Variants in RNF11 observed in about 807,000 individuals in gnomAD.
The protein encoded by RNF11 is ring finger protein 11.
Under a neutral mutation model 15.8 loss-of-function variants are expected in RNF11, and 4 were observed. That is an observed-to-expected ratio of 0.25 (90% CI 0.12 to 0.58). RNF11 has a LOEUF of 0.58. Ranked by LOEUF, RNF11 falls within the 20% of genes least tolerant of loss-of-function variation. The probability of loss-of-function intolerance (pLI) is 0.91; values close to 1 mark genes in which losing one functional copy is unlikely to be tolerated. For missense variants in RNF11, 139 were observed against 194.4 expected (o/e 0.71, Z 1.70); for synonymous variants, 68 against 72.3 (o/e 0.94, Z 0.30).
chr1:51,254,393 T>C (rs1274256621), intron 1 of RNF11, among the ~76,000 whole-genome samples: 1 of 152,182 alleles, frequency 6.6e-6, no homozygotes, highest in African/African-American at 2.4e-5. Context: ...GTTCAAGCAG[T>C]TGTGCCTCAG....
At chr1:51,250,467 T>TA (rs1423513190) in intron 1 of RNF11, 1 of 446,804 alleles carries the variant, frequency 2.2e-6, no homozygotes, top group Non-Finnish European at 4.0e-6. Context: ...TTGAACAACA[T>TA]AGAGTTGAAT....
chr1:51,262,335 C>T (rs1265782179), intron 1 of RNF11, among the ~76,000 whole-genome samples: 2 of 152,196 alleles, frequency 1.3e-5, no homozygotes, highest in South Asian at 2.1e-4. Context: ...CAGAATGGTT[C>T]ATACACCTAA....
intron 1 of RNF11, chr1:51,266,122 C>T (rs929765169): frequency 2.0e-5 from 3 of 152,102 alleles, no homozygotes. Flanking sequence ...TAATTAAATA[C>T]CAGAGCAGAA....
chr1:51,252,827 G>GTA (rs1646886064), intron 1 of RNF11, among the ~76,000 whole-genome samples: 1 of 151,572 alleles, frequency 6.6e-6, no homozygotes, highest in African/African-American at 2.4e-5. Context: ...GTGTGTGTGT[G>GTA]TGTGTGTGTT....
In RNF11 at chr1:51,271,630, A is replaced by G. The variant is rs1646979090; in HGVS notation, c.*308A>G. On this transcript the variant is annotated 3_prime_UTR_variant, in exon 3 of 3. Coordinates refer to ENST00000242719, the MANE Select transcript of RNF11 (RefSeq NM_014372.5). ...GTTAACAGCAGCTGTATTTGTTTAAATTGTGTGTATTGAAGATTAGGAAAA... is the reference window on the plus strand; with the variant it reads ...GTTAACAGCAGCTGTATTTGTTTAAGTTGTGTGTATTGAAGATTAGGAAAA... 1.1e-5 allele frequency: 2 copies of G among 185,000 alleles called. No homozygotes were observed. The highest frequency in any genetic ancestry group is 2.2e-5 in the Non-Finnish European group (2 of 89,234). The allele number at this position is 185,000 out of a possible 1,614,324, so 11.5% of individuals were successfully genotyped here.
intron 1 of RNF11, among the ~76,000 whole-genome samples, chr1:51,249,644 C>T (rs1397141195): frequency 1.3e-5 from 2 of 152,170 alleles, no homozygotes; most frequent in Non-Finnish European, 2.9e-5. Context: ...CAGTAGTTCA[C>T]ATTCTTTTTC....
chr1:51,265,324 CAAA>C (rs777071207), intron 1 of RNF11: 7 of 76,496 alleles, frequency 9.2e-5, no homozygotes, highest in African/African-American at 8.7e-5. Flanking sequence ...ACCCTGTCTC[CAAA>C]AAAAAAAAAA....
chr1:51,269,296 A>G (rs1354472010), intron 1 of RNF11, among the ~76,000 whole-genome samples: 3 of 152,162 alleles, frequency 2.0e-5, no homozygotes, highest in Admixed American at 6.5e-5. Context: ...GCCAGGCACC[A>G]TGGCTCAACC....
chr1:51,248,454 G>A (rs542628471), intron 1 of RNF11, among the ~76,000 whole-genome samples: 2 of 151,970 alleles, frequency 1.3e-5, no homozygotes, highest in Admixed American at 6.6e-5. Flanking sequence ...CGCTCGCCTC[G>A]GCCTCACAAA....
chr1:51,237,316 C>T (rs930091561), intron 1 of RNF11, among the ~76,000 whole-genome samples: 3 of 151,890 alleles, frequency 2.0e-5, no homozygotes, highest in Admixed American at 1.3e-4. Flanking sequence ...TTACCCACCT[C>T]CCTCGTCTTT....
At chr1:51,257,094 A>T (rs1051900416) in intron 1 of RNF11, among the ~76,000 whole-genome samples, 2 of 152,140 alleles carry the variant, frequency 1.3e-5, no homozygotes, top group Non-Finnish European at 2.9e-5. Context: ...TGTGTGTGGT[A>T]TTTTTTGTTT....
intron 1 of RNF11, among the ~76,000 whole-genome samples, chr1:51,241,373 T>C (rs920899187): frequency 2.6e-5 from 4 of 152,224 alleles, no homozygotes; most frequent in African/African-American, 9.6e-5. Flanking sequence ...CTTCCTGGTC[T>C]CAAAGGATCT....
At chr1:51,265,515 T>C (rs1646950779) in intron 1 of RNF11, among the ~76,000 whole-genome samples, 1 of 152,206 alleles carries the variant, frequency 6.6e-6, no homozygotes, top group Non-Finnish European at 1.5e-5. Context: ...CTTTCTCTCT[T>C]TTGCATGCAG....
intron 1 of RNF11, among the ~76,000 whole-genome samples, chr1:51,269,427 T>C (rs760141152): frequency 6.6e-5 from 10 of 152,088 alleles, no homozygotes; most frequent in Non-Finnish European, 1.2e-4. Context: ...GGAGACCCTA[T>C]CTCAAAAAAA....
At chr1:51,260,151 T>G (rs986559301) in intron 1 of RNF11, among the ~76,000 whole-genome samples, 10 of 152,228 alleles carry the variant, frequency 6.6e-5, no homozygotes, top group Admixed American at 6.5e-4. Context: ...CAAGATAAAT[T>G]TATACCTTTA....
At chr1:51,261,168 T>G (rs1646928916) in intron 1 of RNF11, among the ~76,000 whole-genome samples, 1 of 152,234 alleles carries the variant, frequency 6.6e-6, no homozygotes, top group Non-Finnish European at 1.5e-5. Flanking sequence ...ATCTAAGTTC[T>G]TAATCTCAAA....
chr1:51,241,211 T>C (rs999018686), intron 1 of RNF11, among the ~76,000 whole-genome samples: 6 of 152,214 alleles, frequency 3.9e-5, no homozygotes, highest in African/African-American at 1.4e-4. Flanking sequence ...CCTCAGCCTC[T>C]TGAGTAGCTA....
At chr1:51,245,855 G>A (rs1460193189) in intron 1 of RNF11, among the ~76,000 whole-genome samples, 1 of 152,148 alleles carries the variant, frequency 6.6e-6, no homozygotes, top group African/African-American at 2.4e-5. Context: ...ATTTGCAAAC[G>A]ACTTGAGGCA....
chr1:51,248,096 C>CTTTTTTTTTT (rs1157196813), intron 1 of RNF11, among the ~76,000 whole-genome samples: 18 of 91,638 alleles, frequency 2.0e-4, no homozygotes, highest in East Asian at 3.5e-4. Context: ...CTAGTTTCTT[C>CTTTTTTTTTT]TTTTTTTTTT....
Sources: allele counts gnomAD v4.1 joint callset (sites outside exome capture counted in the v4.1 genomes callset), GRCh38; gene constraint gnomAD v4.1.1; transcripts MANE v1.5; gene names NCBI Gene and HGNC (gene_info 2026-07-23, HGNC 2026-07-21).